The following TNRC6B variants were observed in gnomAD, a reference collection of about 807,000 sequenced individuals.
TNRC6B encodes trinucleotide repeat containing adaptor 6B, also known as trinucleotide repeat-containing gene 6B protein.
TNRC6B carries 52 observed loss-of-function variants against 203.6 expected under a neutral mutation model. The ratio of observed to expected loss-of-function variants is 0.26; its 90% confidence interval spans 0.20 to 0.32. The LOEUF is 0.32. Ranked by LOEUF, TNRC6B falls within the 10% of genes least tolerant of loss-of-function variation. TNRC6B has a pLI of 1.00. For missense variants in TNRC6B, 1,923 were observed against 2,286.2 expected, an observed-to-expected ratio of 0.84 and a Z score of 3.24; for synonymous variants, 838 against 845.7, an observed-to-expected ratio of 0.99 and a Z score of 0.16.
chr22:40,079,846 C>T (rs113109149), intron 1 of TNRC6B, among the ~76,000 whole-genome samples: 52 of 151,824 alleles, frequency 3.4e-4, no homozygotes, highest in Non-Finnish European at 5.7e-4. Context: ...CCTAGGCTGG[C>T]GTGCAGTGGC....
chr22:40,287,461 C>T (rs1416719281), intron 12 of TNRC6B, among the ~76,000 whole-genome samples: 2 of 152,106 alleles, frequency 1.3e-5, no homozygotes, highest in Non-Finnish European at 2.9e-5. Flanking sequence ...TCCTTGCCTC[C>T]CCGTCATCAC....
At chr22:40,287,201 G>A (rs2070797484) in intron 12 of TNRC6B, among the ~76,000 whole-genome samples, 2 of 151,960 alleles carry the variant, frequency 1.3e-5, no homozygotes, top group South Asian at 4.2e-4. Flanking sequence ...TAGAGGTGGA[G>A]TCATGCTATG....
At chr22:40,233,362 G>A (rs896067418) in intron 1 of TNRC6B, among the ~76,000 whole-genome samples, 1 of 151,302 alleles carries the variant, frequency 6.6e-6, no homozygotes, top group Admixed American at 6.6e-5. Context: ...GGTGGCTCAT[G>A]TCTGTAATCC....
chr22:40,264,950 A>C lies in TNRC6B; in HGVS notation c.720A>C (p.Gly240=), dbSNP rs1337451847. ...CAGGAAGCACCACTAGTAACAAAGGAAAAGGGAGCCAGTGCCAGTCTGCAA... is the reference window on the plus strand; with the variant it reads ...CAGGAAGCACCACTAGTAACAAAGGCAAAGGGAGCCAGTGCCAGTCTGCAA... ...TLPGSTTSNK[G]KGSQCQSASS... is the part of the protein sequence containing the mutation. The change falls in exon 5 of 23, where the codon GGA becomes GGC. Residue 240 remains glycine, a synonymous_variant. Transcript: ENST00000454349. 1 of 1,613,924 alleles carries C rather than the reference A, an allele frequency of 6.2e-7. No individual in the cohort carries two copies.
At chr22:40,173,717 T>G (rs541136166), upstream of TNRC6B, among the ~76,000 whole-genome samples, 175 of 146,948 alleles carry the variant, frequency 1.2e-3, 1 homozygote, top group Middle Eastern at 0.011. Context: ...ATGGCCAGCC[T>G]TGCTTTTATA....
chr22:40,251,612 G>T (rs1303159708), intron 3 of TNRC6B, among the ~76,000 whole-genome samples: 1 of 151,988 alleles, frequency 6.6e-6, no homozygotes, highest in African/African-American at 2.4e-5. Flanking sequence ...CCAGCTCCTT[G>T]GGAGGCTGAG....
chr22:40,264,575 C>T, intron 4 of TNRC6B, 113 bp from the exon 5 acceptor site: 2 of 1,175,208 alleles, frequency 1.7e-6, no homozygotes, highest in East Asian at 2.6e-5. Context: ...TTGAGAGAAA[C>T]TGGCATGTGA....
chr22:40,051,961 ACATTT>A (rs1349338573), intron 1 of TNRC6B, among the ~76,000 whole-genome samples: 1 of 152,228 alleles, frequency 6.6e-6, no homozygotes, highest in Non-Finnish European at 1.5e-5. Flanking sequence ...CAGAGTAACC[ACATTT>A]CAAGTGCTCA....
chr22:40,092,827 A>G (rs1477716089), intron 1 of TNRC6B, among the ~76,000 whole-genome samples: 1 of 152,246 alleles, frequency 6.6e-6, no homozygotes, highest in South Asian at 2.1e-4. Flanking sequence ...AAAAACAGAT[A>G]CTGTAAGTGT....
chr22:40,276,827 G>A, intron 7 of TNRC6B: 1 of 324,792 alleles, frequency 3.1e-6, no homozygotes, highest in Non-Finnish European at 5.5e-6. Context: ...AAAAGCAAAA[G>A]TACCAGCTGA....
At chr22:40,123,426 G>T (rs568976124) in intron 2 of TNRC6B, among the ~76,000 whole-genome samples, 13 of 152,330 alleles carry the variant, frequency 8.5e-5, no homozygotes, top group African/African-American at 2.6e-4. Context: ...TAAAGCTGAA[G>T]GAGAAGCCAG....
chr22:40,246,704 T>G (rs1481966934), intron 2 of TNRC6B, among the ~76,000 whole-genome samples: 1 of 152,194 alleles, frequency 6.6e-6, no homozygotes, highest in Non-Finnish European at 1.5e-5. Context: ...TATTTGTATA[T>G]TAATTTAATC....
intron 3 of TNRC6B, among the ~76,000 whole-genome samples, chr22:40,126,597 T>A (rs1437812496): frequency 7.2e-6 from 1 of 139,628 alleles, no homozygotes; most frequent in African/African-American, 2.8e-5. Context: ...TTTTTTTTTT[T>A]TTTTTTTTTT....
chr22:40,144,759 G>A (rs2068676123), intron 3 of TNRC6B, among the ~76,000 whole-genome samples: 1 of 151,682 alleles, frequency 6.6e-6, no homozygotes, highest in Admixed American at 6.6e-5. Context: ...GTGAAAAAAT[G>A]TAGATATAAA....
intron 1 of TNRC6B, among the ~76,000 whole-genome samples, chr22:40,232,593 T>G (rs1021812168): frequency 1.3e-5 from 2 of 152,208 alleles, no homozygotes; most frequent in Non-Finnish European, 2.9e-5. Context: ...CTCTAGAGTA[T>G]GTAAAGCATG....
intron 2 of TNRC6B, among the ~76,000 whole-genome samples, chr22:40,248,782 C>G (rs1042713004): frequency 6.6e-6 from 1 of 152,168 alleles, no homozygotes; most frequent in South Asian, 2.1e-4. Context: ...AATAAAAATT[C>G]TATCGTTTTT....
chr22:40,052,291 G>A (rs1008591148), intron 1 of TNRC6B, among the ~76,000 whole-genome samples: 4 of 151,852 alleles, frequency 2.6e-5, no homozygotes, highest in South Asian at 2.1e-4. Context: ...ACCAATTTGC[G>A]TTATAATCAG....
intron 1 of TNRC6B, among the ~76,000 whole-genome samples, chr22:40,084,651 G>T (rs908173525): frequency 1.3e-5 from 2 of 152,048 alleles, no homozygotes; most frequent in Non-Finnish European, 2.9e-5. Flanking sequence ...TGAGTGGAGA[G>T]AATTAATCCA....
At chr22:40,294,512 T>G (rs1470712782) in intron 12 of TNRC6B, among the ~76,000 whole-genome samples, 1 of 152,218 alleles carries the variant, frequency 6.6e-6, no homozygotes, top group African/African-American at 2.4e-5. Flanking sequence ...AAAGACTCTA[T>G]TTCCAAATGA....
Sources: gnomAD v4.1 joint callset for allele counts (sites outside exome capture counted in the v4.1 genomes callset) on GRCh38, gnomAD v4.1.1 for gene constraint, MANE v1.5 for transcripts, NCBI Gene and HGNC (gene_info 2026-07-23, HGNC 2026-07-21) for gene names.